The following PREX1 variants were observed in gnomAD, a reference collection of about 807,000 sequenced individuals.
PREX1 encodes phosphatidylinositol 3,4,5-trisphosphate-dependent Rac exchanger 1 protein.
Under a neutral mutation model 198.3 loss-of-function variants are expected in PREX1, and 41 were observed. The observed-to-expected ratio is 0.21, with a 90% CI of 0.16 to 0.27. The LOEUF is 0.27. Among genes scored for constraint, PREX1 ranks in the 10% least tolerant of loss-of-function variants. PREX1 has a pLI of 1.00. For missense variants in PREX1, 1,620 were observed against 2,200.7 expected, an observed-to-expected ratio of 0.74 and a Z score of 5.28; for synonymous variants, 843 against 887.2, an observed-to-expected ratio of 0.95 and a Z score of 0.89.
At chr20:48,784,581 C>T (rs534053001) in intron 1 of PREX1, among the ~76,000 whole-genome samples, 15 of 152,162 alleles carry the variant, frequency 9.9e-5, no homozygotes, top group Non-Finnish European at 1.5e-4. Context: ...ACAGTGAGGC[C>T]GTCCTGATCT....
At chr20:48,719,570 G>A (rs1036398748) in intron 5 of PREX1, among the ~76,000 whole-genome samples, 36 of 152,246 alleles carry the variant, frequency 2.4e-4, no homozygotes, top group South Asian at 1.0e-3. Flanking sequence ...AGCAGATGAG[G>A]AGCTCACTGC....
At chr20:48,750,878 A>G (rs1234902410) in intron 1 of PREX1, among the ~76,000 whole-genome samples, 2 of 152,202 alleles carry the variant, frequency 1.3e-5, no homozygotes, top group Non-Finnish European at 2.9e-5. Context: ...CTGAGTTTCA[A>G]CCATGGGTCC....
intron 1 of PREX1, among the ~76,000 whole-genome samples, chr20:48,763,773 C>A (rs917266731): frequency 1.3e-5 from 2 of 152,174 alleles, no homozygotes; most frequent in Non-Finnish European, 2.9e-5. Flanking sequence ...TTTCCCAGAG[C>A]CTGCTCGGCC....
Position 48,649,449 on chromosome 20 carries a change from T to C in PREX1, c.3156A>G (p.Pro1052=). The change falls in exon 25 of 40, where the codon CCA becomes CCG. Residue 1052 remains proline (P), a synonymous_variant. Transcript: ENST00000371941. ...CTTCCTGACCAAGGGTCCCACTGGC[T>C]GGCCCGAAGCTGCCATCATGGAGAC... The part of the protein sequence containing the change: ...GQGLHDGSFG[P]ASGTLGQEDR... The C allele has an allele frequency of 6.2e-7, 1 of 1,614,184 alleles. No individual in the cohort carries two copies. Among genetic ancestry groups the C allele is most frequent in the Non-Finnish European group, 8.5e-7 (1 of 1,180,016 alleles).
intron 32 of PREX1, among the ~76,000 whole-genome samples, chr20:48,635,671 G>A (rs538319490): frequency 1.3e-5 from 2 of 152,192 alleles, no homozygotes; most frequent in Admixed American, 6.5e-5. Flanking sequence ...TGCAGTGCCC[G>A]CCAAGCTTCC....
chr20:48,702,686 G>A (rs1373030235), intron 6 of PREX1, among the ~76,000 whole-genome samples: 1 of 152,246 alleles, frequency 6.6e-6, no homozygotes, highest in Non-Finnish European at 1.5e-5. Flanking sequence ...GAGGGAACCT[G>A]GGTCCTGGCA....
intron 1 of PREX1, among the ~76,000 whole-genome samples, chr20:48,759,787 G>A (rs1357129911): frequency 6.6e-6 from 1 of 152,024 alleles, no homozygotes; most frequent in Non-Finnish European, 1.5e-5. Context: ...CTGGTGCATA[G>A]CAGGTGCTCA....
At chr20:48,699,841 A>G (rs909419538) in intron 7 of PREX1, among the ~76,000 whole-genome samples, 3 of 152,054 alleles carry the variant, frequency 2.0e-5, no homozygotes, top group Non-Finnish European at 4.4e-5. Context: ...ATATCCACAC[A>G]TGCCCCCAGC....
At position 48,744,823 on chromosome 20, in the gene PREX1, C is replaced by G. The variant is rs2090100362; in HGVS notation, c.414+202G>C. Among the ~76,000 whole-genome samples the G allele has an allele frequency of 5.3e-5, 8 of 152,192 alleles. No homozygotes were observed. In the South Asian group the frequency reaches 1.7e-3, roughly 32 times the overall value. On this transcript the variant is annotated intron_variant, in intron 3 of 39. Transcript: ENST00000371941. ...GTGGAGCTGAGGGAAAGGAGAGTCA[C>G]TAAAAATGCCCACAGCCTGCTGGGC...
At chr20:48,788,146 TG>T (rs768910384) in intron 1 of PREX1, among the ~76,000 whole-genome samples, 1 of 152,220 alleles carries the variant, frequency 6.6e-6, no homozygotes, top group Non-Finnish European at 1.5e-5. Flanking sequence ...GGAAGTTTTC[TG>T]TAAGCCGGGA....
intron 1 of PREX1, among the ~76,000 whole-genome samples, chr20:48,809,556 T>C (rs908688113): frequency 1.3e-5 from 2 of 152,234 alleles, no homozygotes; most frequent in African/African-American, 4.8e-5. Flanking sequence ...CAAAGGATCC[T>C]GACAACCAGC....
chr20:48,647,204 T>C (rs759241794), intron 25 of PREX1, among the ~76,000 whole-genome samples: 7 of 152,088 alleles, frequency 4.6e-5, no homozygotes, highest in Non-Finnish European at 1.0e-4. Context: ...CACTCTAGCC[T>C]GGTGACAGTT....
intron 31 of PREX1, 56 bp from the exon 32 acceptor site, chr20:48,636,739 G>A: frequency 1.4e-6 from 2 of 1,473,510 alleles, no homozygotes; most frequent in East Asian, 2.5e-5. Flanking sequence ...CCACCAGGAG[G>A]CCCACCCCCC....
At chr20:48,634,033 G>A (rs2089337529) in intron 33 of PREX1, among the ~76,000 whole-genome samples, 2 of 133,736 alleles carry the variant, frequency 1.5e-5, no homozygotes, top group Middle Eastern at 4.1e-3. Context: ...ATGGATCGAT[G>A]GATGAATGGA....
At chr20:48,688,086 A>G (rs1275063452) in intron 10 of PREX1, among the ~76,000 whole-genome samples, 1 of 151,946 alleles carries the variant, frequency 6.6e-6, no homozygotes, top group East Asian at 1.9e-4. Context: ...TGGCAGCCCC[A>G]GCCAAAAAAA....
At chr20:48,851,532 A>T in the PREX1 span, among the ~76,000 whole-genome samples, 125 of 152,218 alleles carry the variant, frequency 8.2e-4, no homozygotes, top group African/African-American at 2.8e-3. Flanking sequence ...AAATAAATAA[A>T]TAATAAATAA....
intron 5 of PREX1, among the ~76,000 whole-genome samples, chr20:48,722,439 G>A (rs1010811287): frequency 3.9e-5 from 6 of 152,242 alleles, no homozygotes; most frequent in East Asian, 3.8e-4. Flanking sequence ...ACAAGTGGTC[G>A]GCAGGGGCTG....
intron 3 of PREX1, among the ~76,000 whole-genome samples, chr20:48,742,756 T>G (rs1307649843): frequency 6.6e-6 from 1 of 152,074 alleles, no homozygotes; most frequent in Non-Finnish European, 1.5e-5. Context: ...GCTGCATCTC[T>G]GAGCAAGTCA....
chr20:48,790,656 G>A lies in PREX1; in HGVS notation c.219+36986C>T, dbSNP rs375857985. 5.6e-4 allele frequency among the ~76,000 whole-genome samples: 86 copies of A among 152,292 alleles called. 2 individuals carry two copies. In the South Asian group the frequency reaches 0.017, roughly 30 times the overall value. On this transcript the variant is annotated intron_variant, in intron 1 of 39. Transcript: ENST00000371941. Reference sequence around the variant, plus strand: ...AATATGCTGAAGAGAAGAAAGGGAAGGTGAAGGGAGGCAGAGAAAGGATCA... The same window carrying A: ...AATATGCTGAAGAGAAGAAAGGGAAAGTGAAGGGAGGCAGAGAAAGGATCA...
Sources: allele counts gnomAD v4.1 joint callset (sites outside exome capture counted in the v4.1 genomes callset), GRCh38; gene constraint gnomAD v4.1.1; transcripts MANE v1.5; gene names NCBI Gene and HGNC (gene_info 2026-07-23, HGNC 2026-07-21).